The following PAK3 variants were observed in gnomAD, a reference collection of about 807,000 sequenced individuals.
The protein encoded by PAK3 is serine/threonine-protein kinase PAK 3.
A neutral mutation model predicts 41.0 loss-of-function variants in PAK3; 4 were observed. That is an observed-to-expected ratio of 0.10 (90% CI 0.05 to 0.22). The LOEUF (loss-of-function observed/expected upper bound fraction) is 0.22, where lower values mean the gene tolerates loss of function less well. Among genes scored for constraint, PAK3 ranks in the 10% least tolerant of loss-of-function variants. The probability of loss-of-function intolerance (pLI) is 1.00; values close to 1 mark genes in which losing one functional copy is unlikely to be tolerated. For missense variants in PAK3, 205 were observed against 409.9 expected, an observed-to-expected ratio of 0.50 and a Z score of 4.32; for synonymous variants, 146 against 139.6, an observed-to-expected ratio of 1.05 and a Z score of -0.32.
At chrX:111,130,671 G>A (rs1482589737) in intron 5 of PAK3, among the ~76,000 whole-genome samples, 1 of 111,942 alleles carries the variant, frequency 8.9e-6, no homozygotes, top group Non-Finnish European at 1.9e-5. Flanking sequence ...GAATGTTTAA[G>A]ATGGCCCAGT....
At chrX:111,075,058 A>C (rs752514839) in intron 1 of PAK3, among the ~76,000 whole-genome samples, 1 of 111,997 alleles carries the variant, frequency 8.9e-6, no homozygotes, top group Non-Finnish European at 1.9e-5. Flanking sequence ...CAACGAAATG[A>C]CTTAAAGTTG....
At chrX:111,170,614 A>C (rs1263616277) in intron 10 of PAK3, among the ~76,000 whole-genome samples, 1 of 111,715 alleles carries the variant, frequency 9.0e-6, no homozygotes, top group Admixed American at 9.5e-5. Flanking sequence ...TCTAGGCTCC[A>C]AAGTTACAGG....
chrX:110,963,568 C>T (rs2148616928), intron 1 of PAK3, among the ~76,000 whole-genome samples: 1 of 112,585 alleles, frequency 8.9e-6, no homozygotes, highest in South Asian at 3.7e-4. Flanking sequence ...ATGGCCATGG[C>T]CAGGCTTGAC....
intron 5 of PAK3, among the ~76,000 whole-genome samples, chrX:111,138,131 T>C (rs1287892493): frequency 9.1e-6 from 1 of 109,699 alleles, no homozygotes; most frequent in Admixed American, 9.8e-5. Context: ...GGGACGTAGA[T>C]TCAAATCCTG....
At chrX:110,968,400 G>A (rs1381936916) in intron 1 of PAK3, among the ~76,000 whole-genome samples, 3 of 112,453 alleles carry the variant, frequency 2.7e-5, no homozygotes, top group African/African-American at 9.7e-5. Context: ...ATAAGAAACT[G>A]GTGAACTGTT....
intron 1 of PAK3, among the ~76,000 whole-genome samples, chrX:111,090,068 G>C (rs2092918289): frequency 1.8e-5 from 2 of 110,419 alleles, no homozygotes; most frequent in Admixed American, 1.9e-4. Context: ...CGAGAATATA[G>C]AGTGAGGTGT....
At chrX:111,135,247 G>A (rs1344610009) in intron 5 of PAK3, among the ~76,000 whole-genome samples, 1 of 111,724 alleles carries the variant, frequency 9.0e-6, no homozygotes, top group Non-Finnish European at 1.9e-5. Flanking sequence ...GGAAGAGCTG[G>A]AGAAGGTTGA....
chrX:111,164,407 G>A (rs1325443359), intron 10 of PAK3, among the ~76,000 whole-genome samples: 1 of 110,836 alleles, frequency 9.0e-6, no homozygotes, highest in African/African-American at 3.3e-5. Context: ...TCAGCAATAA[G>A]TGCCCCCCCC....
chrX:111,218,216 G>A (rs566172486), intron 17 of PAK3, among the ~76,000 whole-genome samples: 2 of 111,978 alleles, frequency 1.8e-5, no homozygotes, highest in African/African-American at 6.5e-5. Flanking sequence ...GTGTCTTTCT[G>A]TATGACCTAA....
chrX:111,136,788 G>T (rs1308938317), intron 5 of PAK3, among the ~76,000 whole-genome samples: 1 of 111,968 alleles, frequency 8.9e-6, no homozygotes, highest in Non-Finnish European at 1.9e-5. Context: ...CACTCTGGCT[G>T]TGCATTATCT....
chrX:111,164,714 A>G (rs1351134102), intron 10 of PAK3, among the ~76,000 whole-genome samples: 2 of 111,871 alleles, frequency 1.8e-5, no homozygotes, highest in Non-Finnish European at 3.8e-5. Flanking sequence ...GTAAACAAAT[A>G]CATCTTTACT....
At chrX:110,975,148 A>G (rs914121499) in intron 1 of PAK3, among the ~76,000 whole-genome samples, 1 of 112,107 alleles carries the variant, frequency 8.9e-6, no homozygotes, top group Admixed American at 9.5e-5. Context: ...GTATTCAATT[A>G]GGAAATTAGG....
intron 1 of PAK3, among the ~76,000 whole-genome samples, chrX:111,087,227 A>G (rs2092893598): frequency 9.1e-6 from 1 of 109,820 alleles, no homozygotes; most frequent in African/African-American, 3.3e-5. Flanking sequence ...AATTATGAAC[A>G]TATTGTAAAC....
chrX:111,079,263 T>C (rs2092813854), intron 1 of PAK3, among the ~76,000 whole-genome samples: 2 of 112,065 alleles, frequency 1.8e-5, no homozygotes, highest in South Asian at 7.4e-4. Context: ...GAAGTAAATG[T>C]CTGGCTTCAA....
intron 1 of PAK3, among the ~76,000 whole-genome samples, chrX:111,048,271 G>A (rs912673690): frequency 9.1e-6 from 1 of 110,010 alleles, no homozygotes; most frequent in South Asian, 4.0e-4. Context: ...ATCTCTAATT[G>A]TTGGCACACC....
intron 1 of PAK3, among the ~76,000 whole-genome samples, chrX:110,966,697 G>C (rs768962212): frequency 3.2e-4 from 35 of 110,780 alleles, no homozygotes; most frequent in African/African-American, 1.1e-3. Context: ...ACACCATTTT[G>C]AAGTGTGTAT....
At chrX:111,122,761 G>T (rs1382156455) in intron 4 of PAK3, among the ~76,000 whole-genome samples, 1 of 111,830 alleles carries the variant, frequency 8.9e-6, no homozygotes, top group Admixed American at 9.5e-5. Flanking sequence ...ATTGTAAATT[G>T]TTCACTAAAA....
At chrX:110,958,426 G>A (rs963589004) in intron 1 of PAK3, among the ~76,000 whole-genome samples, 9 of 111,573 alleles carry the variant, frequency 8.1e-5, no homozygotes, top group Non-Finnish European at 1.5e-4. Context: ...AAGCTAGGAG[G>A]CCATGACAGT....
At chrX:111,036,090 C>A (rs1220761341) in intron 1 of PAK3, among the ~76,000 whole-genome samples, 1 of 112,238 alleles carries the variant, frequency 8.9e-6, no homozygotes, top group East Asian at 2.8e-4. Context: ...AGTCTCTAGG[C>A]AGCCATTTCC....
Sources: gnomAD v4.1 joint callset for allele counts (sites outside exome capture counted in the v4.1 genomes callset) on GRCh38, gnomAD v4.1.1 for gene constraint, MANE v1.5 for transcripts, NCBI Gene and HGNC (gene_info 2026-07-23, HGNC 2026-07-21) for gene names.